Variants in TRIP12 observed in about 807,000 individuals in gnomAD.
The protein encoded by TRIP12 is E3 ubiquitin-protein ligase TRIP12.
TRIP12 carries 25 observed loss-of-function variants against 244.2 expected under a neutral mutation model. That is an observed-to-expected ratio of 0.10 (90% confidence interval 0.07 to 0.14). The LOEUF is 0.14. Ranked by LOEUF, TRIP12 falls within the 10% of genes least tolerant of loss-of-function variation. The pLI is 1.00. For missense variants in TRIP12, 1,677 were observed against 2,486.4 expected, an observed-to-expected ratio of 0.67 and a Z score of 6.92; for synonymous variants, 905 against 873.1, an observed-to-expected ratio of 1.04 and a Z score of -0.64.
chr2:229,805,693 A>T (rs1414283817), intron 18 of TRIP12, 37 bp downstream of exon 18: 1 of 1,492,004 alleles, frequency 6.7e-7, no homozygotes, highest in Non-Finnish European at 9.1e-7. Flanking sequence ...AATATTGCAC[A>T]ATAGTATAGT....
intron 38 of TRIP12, chr2:229,773,469 G>C (rs1373923047): frequency 1.3e-5 from 2 of 152,278 alleles, no homozygotes; most frequent in Non-Finnish European, 2.9e-5. Flanking sequence ...CTGTAACTTT[G>C]AACTCCAGGG....
At chr2:229,853,817 G>A (rs2059144184) in intron 4 of TRIP12, among the ~76,000 whole-genome samples, 1 of 152,100 alleles carries the variant, frequency 6.6e-6, no homozygotes, top group Non-Finnish European at 1.5e-5. Context: ...GCTTCACAAG[G>A]AGGAATCTTA....
At position 229,803,608 on chromosome 2, in the gene TRIP12, C is replaced by T. The variant is rs763321036; in HGVS notation, c.2961G>A (p.Lys987=). The T allele has an allele frequency of 8.7e-6, 14 of 1,613,140 alleles. No individual in the cohort carries two copies. The Admixed American group carries it at 1.5e-4, about 17-fold the overall frequency. ...AGTAAACACTAAAAATATCAGGTAA[C>T]TTCTGCATTAAAATTTCTGCCATCT... ...ALQMAEILMQ[K]LPDIFSVYFR... is the part of the protein sequence containing the mutation. The change falls in exon 20 of 42, where the codon AAG becomes AAA. Residue 987 remains lysine (K), a synonymous_variant. Transcript: ENST00000675903.
rs2046384938 is a variant in TRIP12 at position 229,808,299 on chromosome 2, A to G, written c.2292T>C (p.Leu764=). The G allele has an allele frequency of 1.2e-6, 2 of 1,613,876 alleles. No individual in the cohort carries two copies. The highest frequency in any genetic ancestry group is 2.7e-5 in the African/African-American group (2 of 74,924). Reference sequence around the variant, plus strand: ...ACAACTCTTGAGGGCTTCGTGGAACAAGATCAATCTGTTCCTGACAACTTC... The same window carrying G: ...ACAACTCTTGAGGGCTTCGTGGAACGAGATCAATCTGTTCCTGACAACTTC... ...SNGSCQEQID[L]VPRSPQELYE... Residue 764 remains leucine, a synonymous_variant, in exon 16 of 42, where the codon CTT becomes CTC. Transcript: ENST00000675903.
intron 5 of TRIP12, among the ~76,000 whole-genome samples, chr2:229,839,822 C>CT (rs1235567578): frequency 6.6e-6 from 1 of 152,144 alleles, no homozygotes; most frequent in Non-Finnish European, 1.5e-5. Flanking sequence ...AGATTTTTAC[C>CT]TTTAGGCTAA....
chr2:229,858,913 T>C lies in TRIP12; in HGVS notation c.886A>G (p.Thr296Ala), dbSNP rs1367989530. The stretch of plus-strand genomic sequence containing the variant: ...CAATCAAATTTTGAAGAGCCACCAG[T>C]TTTACTCTGTTCCTTTTCCCTGCTA... ...RSSREKEQSK[T>A]GGSSKFDWAA... Residue 296 changes from threonine to alanine, a missense_variant, in exon 4 of 42, where the codon ACT (threonine) becomes GCT (alanine). Physicochemically the swap from Thr to Ala is moderately conservative, Grantham distance 58. Coordinates refer to ENST00000675903, the MANE Select transcript of TRIP12 (RefSeq NM_001348323.3). The C allele has an allele frequency of 6.2e-7, 1 of 1,614,024 alleles. No individual in the cohort carries two copies. Among genetic ancestry groups the C allele is most frequent in the African/African-American group, 1.3e-5 (1 of 74,914 alleles).
chr2:229,907,962 C>G (rs7586923), intron 1 of TRIP12, among the ~76,000 whole-genome samples: 38,065 of 150,854 alleles, frequency 0.25, 5,927 homozygotes, highest in Middle Eastern at 0.43. Flanking sequence ...GATGGGAGAA[C>G]TAGTGTCAAA....
chr2:229,901,484 G>A (rs1312660562), intron 1 of TRIP12, among the ~76,000 whole-genome samples: 2 of 151,644 alleles, frequency 1.3e-5, no homozygotes, highest in African/African-American at 2.4e-5. Flanking sequence ...TTAGCCAGGT[G>A]TGGTGGCGCA....
In TRIP12 at chr2:229,799,034, G is replaced by A; in HGVS notation, c.3323C>T (p.Thr1108Ile). The A allele has an allele frequency of 6.2e-7, 1 of 1,614,016 alleles. No individual in the cohort carries two copies. The highest frequency in any genetic ancestry group is 8.5e-7 in the Non-Finnish European group (1 of 1,180,002). The change falls in exon 23 of 42, where the codon ACT becomes ATT. Residue 1108 changes from threonine to isoleucine, a missense_variant. By Grantham distance (89) the Thr-to-Ile change is moderately conservative. Around this residue, in one of 11 missense-constraint regions of TRIP12, gnomAD observed 572 missense variants for 867.8 expected, o/e 0.66. Transcript: ENST00000675903. ...GAAAGAAGATTTAGGTGACTGAGTA[G>A]TGGTGGGGCTTTTAGCTATGAAAAG... ...KVDNQAKSPT[T>I]TQSPKSSFLA...
intron 20 of TRIP12, among the ~76,000 whole-genome samples, chr2:229,803,275 C>T (rs916373084): frequency 6.6e-6 from 1 of 152,074 alleles, no homozygotes; most frequent in Non-Finnish European, 1.5e-5. Flanking sequence ...CACCACACCC[C>T]GCTAATTTTT....
chr2:229,919,233 T>C (rs1293874892), intron 1 of TRIP12, among the ~76,000 whole-genome samples: 1 of 151,924 alleles, frequency 6.6e-6, no homozygotes, highest in Non-Finnish European at 1.5e-5. Context: ...CTGGCCAACA[T>C]GGTGAAACTC....
chr2:229,829,137 A>G (rs2052600300), intron 8 of TRIP12, 56 bp downstream of exon 8: 1 of 1,501,964 alleles, frequency 6.7e-7, no homozygotes, highest in Non-Finnish European at 9.2e-7. Context: ...GTTACAAGTA[A>G]CAATAGCAGT....
At chr2:229,779,126 C>T in intron 34 of TRIP12, 136 bp from the exon 35 acceptor site, 3 of 705,412 alleles carry the variant, frequency 4.3e-6, no homozygotes, top group South Asian at 3.7e-5. Context: ...AATGTCCTGG[C>T]TGGATTTATT....
At chr2:229,836,474 G>C (rs553746079) in intron 6 of TRIP12, among the ~76,000 whole-genome samples, 1 of 152,256 alleles carries the variant, frequency 6.6e-6, no homozygotes, top group East Asian at 1.9e-4. Context: ...CTGAATACTT[G>C]TATTTTAGGG....
At chr2:229,875,819 A>T (rs2063482752) in intron 2 of TRIP12, among the ~76,000 whole-genome samples, 1 of 152,220 alleles carries the variant, frequency 6.6e-6, no homozygotes, top group Non-Finnish European at 1.5e-5. Flanking sequence ...CAATGACAGC[A>T]TTTTACTTAG....
rs538472676 is a variant in TRIP12 at position 229,769,123 on chromosome 2, A to G, written c.5903+108T>C. The G allele has an allele frequency of 7.2e-5, 64 of 892,560 alleles. No homozygotes were observed. The African/African-American group carries it at 1.0e-3, about 14-fold the overall frequency. The allele number at this position is 892,560 out of a possible 1,614,324, so 55.3% of individuals were successfully genotyped here. A position where few individuals can be genotyped will look rare whatever the true frequency, so the allele number is the denominator to read the frequency against. ...AACAGGTAGACACATTTTAAAATGA[A>G]CCACTCCAACTTTTGTTGTTTACAC... On this transcript the variant is annotated intron_variant, in intron 40 of 41. Coordinates refer to ENST00000675903, the MANE Select transcript of TRIP12 (RefSeq NM_001348323.3).
At chr2:229,775,400 A>G (rs980556444) in intron 37 of TRIP12, among the ~76,000 whole-genome samples, 1 of 151,464 alleles carries the variant, frequency 6.6e-6, no homozygotes, top group Non-Finnish European at 1.5e-5. Flanking sequence ...AAAAAAAAAA[A>G]AAAGAAAGTT....
chr2:229,803,634 G>C lies in TRIP12; in HGVS notation c.2935C>G (p.Gln979Glu). The change falls in exon 20 of 42, where the codon CAG becomes GAG. Residue 979 changes from glutamine (Q) to glutamate (E), a missense_variant. Physicochemically the swap from Gln to Glu is conservative, Grantham distance 29. Coordinates refer to ENST00000675903, the MANE Select transcript of TRIP12 (RefSeq NM_001348323.3). ...TTCTGCATTAAAATTTCTGCCATCT[G>C]AAGTGCTCCCACTACTATCTTCAGG... is the stretch of plus-strand genomic sequence containing the variant. ...QDLKIVVGAL[Q>E]MAEILMQKLP... The C allele has an allele frequency of 6.2e-7, 1 of 1,613,678 alleles. No homozygotes were observed. Among genetic ancestry groups the C allele is most frequent in the African/African-American group, 1.3e-5 (1 of 75,016 alleles).
intron 26 of TRIP12, among the ~76,000 whole-genome samples, chr2:229,793,776 A>G (rs1043182523): frequency 7.2e-5 from 11 of 152,072 alleles, no homozygotes; most frequent in Non-Finnish European, 1.5e-4. Context: ...TGCGGCCCAC[A>G]GGCCACATGC....
Sources: allele counts gnomAD v4.1 joint callset (sites outside exome capture counted in the v4.1 genomes callset), GRCh38; gene constraint gnomAD v4.1.1; regional missense constraint gnomAD v4.1.1; transcripts MANE v1.5; gene names NCBI Gene and HGNC (gene_info 2026-07-23, HGNC 2026-07-21).